Variants in CSMD1 observed in about 807,000 individuals in gnomAD.
The protein encoded by CSMD1 is CUB and Sushi multiple domains 1.
CSMD1 carries 213 observed loss-of-function variants against 417.5 expected under a neutral mutation model. The ratio of observed to expected loss-of-function variants is 0.51; its 90% CI spans 0.46 to 0.57. The LOEUF (loss-of-function observed/expected upper bound fraction) is 0.57. Ranked by LOEUF, CSMD1 falls within the 20% of genes least tolerant of loss-of-function variation. The pLI, the probability that CSMD1 is intolerant of heterozygous loss-of-function variation, is 0.00. For synonymous variants in CSMD1, 2,862 were observed against 1,736.8 expected (o/e 1.65, Z -16.11); for missense variants, 6,923 against 4,529.7 (o/e 1.53, Z -15.17).
At chr8:3,301,577 G>C (rs1432569475) in intron 25 of CSMD1, among the ~76,000 whole-genome samples, 2 of 152,124 alleles carry the variant, frequency 1.3e-5, no homozygotes, top group African/African-American at 4.8e-5. Context: ...GAGTCAATGA[G>C]GAGAAACTCA....
At chr8:4,645,596 A>C (rs1166248286) in intron 1 of CSMD1, among the ~76,000 whole-genome samples, 1 of 152,084 alleles carries the variant, frequency 6.6e-6, no homozygotes, top group Non-Finnish European at 1.5e-5. Flanking sequence ...CGGGATGACG[A>C]GGCTGCCCAT....
chr8:3,179,539 G>A (rs1427711050), intron 37 of CSMD1, among the ~76,000 whole-genome samples: 1 of 152,210 alleles, frequency 6.6e-6, no homozygotes, highest in South Asian at 2.1e-4. Context: ...TTATATTGAT[G>A]GGGCTGAAGC....
intron 8 of CSMD1, among the ~76,000 whole-genome samples, chr8:3,615,642 C>G (rs150815668): frequency 6.6e-6 from 1 of 152,112 alleles, no homozygotes; most frequent in East Asian, 1.9e-4. Context: ...GCTTTTAAAA[C>G]GACCGTTGTT....
intron 5 of CSMD1, among the ~76,000 whole-genome samples, chr8:3,972,418 A>T (rs1314245517): frequency 6.6e-6 from 1 of 152,186 alleles, no homozygotes; most frequent in Non-Finnish European, 1.5e-5. Context: ...CAAGTGATTA[A>T]CATTTAATGT....
intron 3 of CSMD1, among the ~76,000 whole-genome samples, chr8:4,329,578 G>A (rs575420974): frequency 1.4e-4 from 21 of 152,100 alleles, no homozygotes; most frequent in South Asian, 4.2e-4. Flanking sequence ...GTGAGCCACC[G>A]CACGTTGCCA....
At chr8:3,530,135 G>A (rs933994857) in intron 10 of CSMD1, among the ~76,000 whole-genome samples, 1 of 152,052 alleles carries the variant, frequency 6.6e-6, no homozygotes, top group African/African-American at 2.4e-5. Context: ...CTTGGTTTAA[G>A]TTCATTTTCT....
intron 1 of CSMD1, among the ~76,000 whole-genome samples, chr8:4,833,953 C>T (rs1373908183): frequency 6.6e-6 from 1 of 152,186 alleles, no homozygotes; most frequent in Non-Finnish European, 1.5e-5. Context: ...CCTGACTAGT[C>T]TTCACTATCT....
chr8:3,812,741 C>T (rs996408509), intron 5 of CSMD1, among the ~76,000 whole-genome samples: 1 of 152,128 alleles, frequency 6.6e-6, no homozygotes, highest in African/African-American at 2.4e-5. Flanking sequence ...ACCACATCTC[C>T]CCAAGTCTTG....
At chr8:3,054,570 A>AT (rs1812086405) in intron 49 of CSMD1, among the ~76,000 whole-genome samples, 1 of 152,164 alleles carries the variant, frequency 6.6e-6, no homozygotes, top group Non-Finnish European at 1.5e-5. Flanking sequence ...GTGAGCTGAA[A>AT]TTATGCCAGT....
intron 50 of CSMD1, among the ~76,000 whole-genome samples, chr8:3,043,057 T>C (rs7460624): frequency 0.28 from 39,891 of 142,230 alleles, 5,602 homozygotes; most frequent in East Asian, 0.45. Context: ...ATTATATGTA[T>C]ATATAGTACT....
At chr8:3,989,999 G>C (rs999741075) in intron 5 of CSMD1, among the ~76,000 whole-genome samples, 1 of 152,206 alleles carries the variant, frequency 6.6e-6, no homozygotes, top group Admixed American at 6.5e-5. Flanking sequence ...TGGAACACGA[G>C]GATGTGCCAG....
intron 3 of CSMD1, among the ~76,000 whole-genome samples, chr8:4,385,581 G>T (rs535004759): frequency 6.6e-6 from 1 of 152,202 alleles, no homozygotes; most frequent in East Asian, 1.9e-4. Context: ...TGTTTTTAAG[G>T]AGTAAGAATG....
chr8:4,240,546 G>C (rs1381509306), intron 3 of CSMD1, among the ~76,000 whole-genome samples: 1 of 152,178 alleles, frequency 6.6e-6, no homozygotes, highest in Non-Finnish European at 1.5e-5. Context: ...TGTCCTCTTA[G>C]AAGCCTGTGC....
chr8:4,387,635 C>T (rs1584997056), intron 3 of CSMD1, among the ~76,000 whole-genome samples: 1 of 118,770 alleles, frequency 8.4e-6, no homozygotes, highest in South Asian at 2.8e-4. Context: ...TAATATGAAA[C>T]CATTTACAAT....
intron 3 of CSMD1, among the ~76,000 whole-genome samples, chr8:4,379,479 A>G (rs909792574): frequency 6.6e-6 from 1 of 152,198 alleles, no homozygotes; most frequent in Non-Finnish European, 1.5e-5. Flanking sequence ...TTCAGTTTTG[A>G]CAATTGCATT....
At chr8:4,576,718 A>G (rs1428809843) in intron 2 of CSMD1, among the ~76,000 whole-genome samples, 1 of 152,194 alleles carries the variant, frequency 6.6e-6, no homozygotes, top group Non-Finnish European at 1.5e-5. Flanking sequence ...ATCTCTTTCT[A>G]AAACTTAACT....
intron 3 of CSMD1, among the ~76,000 whole-genome samples, chr8:4,204,507 TCC>T (rs1799863131): frequency 6.6e-6 from 1 of 152,194 alleles, no homozygotes; most frequent in Admixed American, 6.5e-5. Flanking sequence ...AGATTCAATT[TCC>T]ATAATTTATT....
At chr8:3,375,189 G>A (rs1029759734) in intron 18 of CSMD1, 9 of 152,088 alleles carry the variant, frequency 5.9e-5, no homozygotes, top group African/African-American at 2.2e-4. Context: ...GGTTTCTCGG[G>A]ATGTCACCTT....
chr8:3,725,662 G>C (rs965187776), intron 6 of CSMD1, among the ~76,000 whole-genome samples: 2 of 152,100 alleles, frequency 1.3e-5, no homozygotes, highest in East Asian at 1.9e-4. Flanking sequence ...GAGCAGTGGA[G>C]GACCCGGTCT....
Sources: allele counts gnomAD v4.1 joint callset (sites outside exome capture counted in the v4.1 genomes callset), GRCh38; gene constraint gnomAD v4.1.1; transcripts MANE v1.5; gene names NCBI Gene and HGNC (gene_info 2026-07-23, HGNC 2026-07-21).